Variants in VAT1L observed in about 807,000 individuals in gnomAD.
VAT1L encodes vesicle amine transport 1 like.
A neutral mutation model predicts 44.1 loss-of-function variants in VAT1L; 34 were observed. That is an observed-to-expected ratio of 0.77 (90% CI 0.59 to 1.03). The LOEUF (loss-of-function observed/expected upper bound fraction) is 1.03. Among genes scored for constraint, VAT1L ranks in the 50% least tolerant of loss-of-function variants. The probability of loss-of-function intolerance (pLI) is 0.00; values close to 1 mark genes in which losing one functional copy is unlikely to be tolerated. For synonymous variants in VAT1L, 253 were observed against 202.2 expected, an observed-to-expected ratio of 1.25 and a Z score of -2.13; for missense variants, 615 against 538.8, an observed-to-expected ratio of 1.14 and a Z score of -1.40.
At chr16:77,842,940 G>A (rs188577885) in intron 3 of VAT1L, among the ~76,000 whole-genome samples, 93 of 152,194 alleles carry the variant, frequency 6.1e-4, no homozygotes, top group Non-Finnish European at 7.5e-4. Flanking sequence ...CCTTGCATTC[G>A]TTATTTTATT....
At chr16:77,926,524 C>T (rs1567510522) in intron 7 of VAT1L, among the ~76,000 whole-genome samples, 1 of 151,944 alleles carries the variant, frequency 6.6e-6, no homozygotes, top group Admixed American at 6.6e-5. Context: ...GCAGAGGTTG[C>T]CATGAGCTGA....
In VAT1L at chr16:77,979,401, T is replaced by TC. The variant is rs1453960274; in HGVS notation, c.*1706_*1707insC. On this transcript the variant is annotated 3_prime_UTR_variant, in exon 9 of 9. Coordinates refer to ENST00000302536, the MANE Select transcript of VAT1L (RefSeq NM_020927.3). ...TCCAGTTCTGGGTCATTTAGAGAGATAATGGGGCGTTTATTCCCCTATTAC... is the reference window on the plus strand; with the variant it reads ...TCCAGTTCTGGGTCATTTAGAGAGATCAATGGGGCGTTTATTCCCCTATTAC... The TC allele has an allele frequency of 2.6e-5, 4 of 152,178 alleles. No individual in the cohort carries two copies. Among genetic ancestry groups the TC allele is most frequent in the African/African-American group, 9.7e-5 (4 of 41,442 alleles). 9.4% of individuals were successfully genotyped at this position (152,178 alleles called of 1,614,324 possible).
At chr16:77,810,325 T>C (rs913324631) in intron 1 of VAT1L, among the ~76,000 whole-genome samples, 1 of 152,086 alleles carries the variant, frequency 6.6e-6, no homozygotes, top group African/African-American at 2.4e-5. Context: ...CAGATCTACT[T>C]GAGTCCAGAA....
chr16:77,922,817 T>A (rs1417102035), intron 7 of VAT1L, among the ~76,000 whole-genome samples: 1 of 152,140 alleles, frequency 6.6e-6, no homozygotes, highest in East Asian at 1.9e-4. Context: ...AAACCTAAGT[T>A]TGCCTGACTT....
At chr16:77,834,566 G>A (rs966155446) in intron 3 of VAT1L, among the ~76,000 whole-genome samples, 5 of 152,040 alleles carry the variant, frequency 3.3e-5, no homozygotes, top group East Asian at 3.9e-4. Flanking sequence ...TGGGAAGCCC[G>A]TGTTAAAGAT....
intron 7 of VAT1L, among the ~76,000 whole-genome samples, chr16:77,942,739 T>C (rs1330915700): frequency 6.6e-6 from 1 of 151,736 alleles, no homozygotes; most frequent in Non-Finnish European, 1.5e-5. Context: ...GTTGTTGTTT[T>C]TTGTTTTTTG....
At chr16:77,843,559 G>A (rs930461516) in intron 3 of VAT1L, among the ~76,000 whole-genome samples, 2 of 152,190 alleles carry the variant, frequency 1.3e-5, no homozygotes, top group Non-Finnish European at 2.9e-5. Context: ...AGTTGATTAG[G>A]AGACACGTCC....
In VAT1L at chr16:77,853,999, G is replaced by A. The variant is rs1214094694; in HGVS notation, c.580-8749G>A. On this transcript the variant is annotated intron_variant, in intron 3 of 8. Coordinates refer to ENST00000302536, the MANE Select transcript of VAT1L (RefSeq NM_020927.3). ...AAAAATTAGCCAGGCATGGTGGCACGTGCCTGTAGTCCCAGCTACTTGAGC... is the reference window on the plus strand; with the variant it reads ...AAAAATTAGCCAGGCATGGTGGCACATGCCTGTAGTCCCAGCTACTTGAGC... 3.3e-5 allele frequency among the ~76,000 whole-genome samples: 5 copies of A among 151,932 alleles called. 1 individual carries two copies. The highest frequency in any genetic ancestry group is 4.2e-4 in the South Asian group (2 of 4,802).
At chr16:77,919,140 GTGTGTGCATGCATGTGTGTGCACGCA>G (rs993393387) in intron 7 of VAT1L, among the ~76,000 whole-genome samples, 32 of 152,108 alleles carry the variant, frequency 2.1e-4, no homozygotes, top group African/African-American at 7.5e-4. Flanking sequence ...GTGTGTGCAT[GTGTGTGCATGCATGTGTGTGCACGCA>G]TGTGTGCATG....
chr16:77,886,583 A>G (rs1282734595), intron 7 of VAT1L, among the ~76,000 whole-genome samples: 1 of 152,236 alleles, frequency 6.6e-6, no homozygotes, highest in Admixed American at 6.5e-5. Flanking sequence ...CTGAACAACA[A>G]CTATGTGCCC....
At chr16:77,943,261 T>C (rs936060617) in intron 7 of VAT1L, among the ~76,000 whole-genome samples, 1 of 151,314 alleles carries the variant, frequency 6.6e-6, no homozygotes. Context: ...TTCACCATGT[T>C]GGTCAGGCTG....
intron 7 of VAT1L, among the ~76,000 whole-genome samples, chr16:77,948,521 T>G (rs1047767367): frequency 6.6e-6 from 1 of 152,138 alleles, no homozygotes; most frequent in African/African-American, 2.4e-5. Context: ...AAGTTCACAT[T>G]TTGTAAACTT....
chr16:77,880,589 G>GTCTTT (rs1374806566), intron 6 of VAT1L, among the ~76,000 whole-genome samples: 1 of 16,374 alleles, frequency 6.1e-5, no homozygotes, highest in African/African-American at 2.3e-4. Flanking sequence ...ACGTTCCAGG[G>GTCTTT]TATTTTTTTT....
chr16:77,828,370 G>A (rs538125947), intron 3 of VAT1L, among the ~76,000 whole-genome samples: 2 of 152,212 alleles, frequency 1.3e-5, no homozygotes, highest in Non-Finnish European at 2.9e-5. Flanking sequence ...AGTCCTTAAA[G>A]GTGGGAGTGG....
chr16:77,870,816 G>A (rs2017023350), intron 4 of VAT1L, among the ~76,000 whole-genome samples: 1 of 152,272 alleles, frequency 6.6e-6, no homozygotes, highest in East Asian at 1.9e-4. Flanking sequence ...CGGAGTCAGG[G>A]GGCACAGAAA....
At chr16:77,894,227 G>A (rs1421352503) in intron 7 of VAT1L, among the ~76,000 whole-genome samples, 2 of 152,214 alleles carry the variant, frequency 1.3e-5, no homozygotes, top group East Asian at 1.9e-4. Flanking sequence ...TCCACAGAAA[G>A]GCAGCAGTAA....
intron 7 of VAT1L, among the ~76,000 whole-genome samples, chr16:77,937,646 C>T (rs184526744): frequency 5.5e-4 from 84 of 152,254 alleles, no homozygotes; most frequent in African/African-American, 1.8e-3. Context: ...AATGACGGTG[C>T]TCCTGCTCTG....
At chr16:77,817,136 A>G (rs1597177181) in intron 2 of VAT1L, 86 bp downstream of exon 2, 1 of 1,543,698 alleles carries the variant, frequency 6.5e-7, no homozygotes, top group East Asian at 2.3e-5. Context: ...AATGTCTGAA[A>G]TAACCTATGG....
chr16:77,834,773 G>A (rs901151548), intron 3 of VAT1L, among the ~76,000 whole-genome samples: 4 of 152,174 alleles, frequency 2.6e-5, no homozygotes, highest in Non-Finnish European at 5.9e-5. Flanking sequence ...ATCCCAGACT[G>A]CATCCTCCTC....
Sources: allele counts gnomAD v4.1 joint callset (sites outside exome capture counted in the v4.1 genomes callset), GRCh38; gene constraint gnomAD v4.1.1; transcripts MANE v1.5; gene names NCBI Gene and HGNC (gene_info 2026-07-23, HGNC 2026-07-21).